TRIM25: variants seen among roughly 807,000 people sequenced by gnomAD.
TRIM25 encodes the protein E3 ubiquitin/ISG15 ligase TRIM25.
A neutral mutation model predicts 65.2 loss-of-function variants in TRIM25; 45 were observed. The ratio of observed to expected loss-of-function variants is 0.69; its 90% CI spans 0.54 to 0.89. The LOEUF is 0.89. Among genes scored for constraint, TRIM25 ranks in the 40% least tolerant of loss-of-function variants. The pLI, the probability that TRIM25 is intolerant of heterozygous loss-of-function variation, is 0.00. For missense variants in TRIM25, 714 were observed against 803.7 expected, an observed-to-expected ratio of 0.89 and a Z score of 1.35; for synonymous variants, 321 against 340.4, an observed-to-expected ratio of 0.94 and a Z score of 0.63.
chr17:56,908,397 C>A, intron 2 of TRIM25, 71 bp downstream of exon 2: 1 of 1,485,124 alleles, frequency 6.7e-7, no homozygotes, highest in South Asian at 1.1e-5. Context: ...TGGTCAGAGC[C>A]ACGCCCATCC....
intron 2 of TRIM25, among the ~76,000 whole-genome samples, chr17:56,907,750 A>G (rs977120355): frequency 6.6e-6 from 1 of 152,296 alleles, no homozygotes; most frequent in Non-Finnish European, 1.5e-5. Flanking sequence ...TGTGACTGTA[A>G]TCTTACTTAG....
intron 5 of TRIM25, among the ~76,000 whole-genome samples, chr17:56,897,141 G>A (rs1399736532): frequency 6.6e-6 from 1 of 151,944 alleles, no homozygotes; most frequent in South Asian, 2.1e-4. Context: ...AAATTCTTGG[G>A]CCCCAAGCCA....
Position 56,890,025 on chromosome 17 carries a change from A to C in TRIM25, c.*1675T>G. ...CAGGTGTGTAGCTGTCAGGAATATCAAGTGTTCTGAGCCTGCCTAGAGTGC... is the reference window on the plus strand; with the variant it reads ...CAGGTGTGTAGCTGTCAGGAATATCCAGTGTTCTGAGCCTGCCTAGAGTGC... On this transcript the variant is annotated 3_prime_UTR_variant, in exon 9 of 9. Transcript: ENST00000316881. The C allele has an allele frequency of 4.5e-5, 18 of 401,522 alleles. No individual in the cohort carries two copies. Among genetic ancestry groups the C allele is most frequent in the Non-Finnish European group, 5.7e-5 (13 of 227,380 alleles). The allele number at this position is 401,522 out of a possible 1,614,324, so 24.9% of individuals were successfully genotyped here.
At chr17:56,903,698 T>C (rs2144358013) in intron 3 of TRIM25, among the ~76,000 whole-genome samples, 1 of 152,318 alleles carries the variant, frequency 6.6e-6, no homozygotes, top group South Asian at 2.1e-4. Flanking sequence ...CTGGTGTAAT[T>C]AGCATCTCAA....
chr17:56,908,456 C>T lies in TRIM25; in HGVS notation c.693+12G>A. 1 of 1,613,094 alleles carries T rather than the reference C, an allele frequency of 6.2e-7. No individual in the cohort carries two copies. The highest frequency in any genetic ancestry group is 8.5e-7 in the Non-Finnish European group (1 of 1,179,940). On this transcript the variant is annotated intron_variant, in intron 2 of 8. Coordinates refer to ENST00000316881, the MANE Select transcript of TRIM25 (RefSeq NM_005082.5). ...CAGGGCAGGGCTGGCCTTGGAGAGCCCTGCCACTCACCCGCACATCCTGCT... is the reference window on the plus strand; with the variant it reads ...CAGGGCAGGGCTGGCCTTGGAGAGCTCTGCCACTCACCCGCACATCCTGCT...
At position 56,895,929 on chromosome 17, in the gene TRIM25, G is replaced by A. The variant is rs1311101412; in HGVS notation, c.1177C>T (p.Pro393Ser). Residue 393 changes from proline (P) to serine (S), a missense_variant, in exon 6 of 9, where the codon CCT becomes TCT. Transcript: ENST00000316881. Reference protein sequence around the residue: ...VSKEEKKSKKPPPVPALPSKL... With the variant: ...VSKEEKKSKKSPPVPALPSKL... ...GTTGCAGAAATGCATAACTTACGAG[G>A]TTTCTTGGATTTCTTTTCCTCTTCT... The A allele has an allele frequency of 1.2e-6, 2 of 1,612,764 alleles. No individual in the cohort carries two copies. Among genetic ancestry groups the A allele is most frequent in the East Asian group, 4.5e-5 (2 of 44,824 alleles).
chr17:56,893,698 C>T (rs918845774), intron 8 of TRIM25, among the ~76,000 whole-genome samples: 8 of 152,210 alleles, frequency 5.3e-5, no homozygotes, highest in Non-Finnish European at 8.8e-5. Context: ...CTGGCCTTGA[C>T]AACGGAACTC....
At chr17:56,901,802 A>C (rs1289215683) in intron 3 of TRIM25, among the ~76,000 whole-genome samples, 1 of 152,132 alleles carries the variant, frequency 6.6e-6, no homozygotes, top group Non-Finnish European at 1.5e-5. Flanking sequence ...ACAGATGGGG[A>C]AACTGAGGTC....
chr17:56,903,569 C>T (rs972171337), intron 3 of TRIM25, among the ~76,000 whole-genome samples: 26 of 152,098 alleles, frequency 1.7e-4, no homozygotes, highest in African/African-American at 5.1e-4. Context: ...CCCCCGACCC[C>T]GACTGATGTA....
chr17:56,891,724 T>C lies in TRIM25; in HGVS notation c.1869A>G (p.Thr623=), dbSNP rs773119870. ...PAFWVFSAGA[T]LSICSPK ...CCTACTTGGGGGAGCAGATGGAGAGTGTGGCACCAGCAGAAAATACCCAGA... is the reference window on the plus strand; with the variant it reads ...CCTACTTGGGGGAGCAGATGGAGAGCGTGGCACCAGCAGAAAATACCCAGA... The change falls in exon 9 of 9, where the codon ACA becomes ACG. Residue 623 remains threonine, a synonymous_variant. Coordinates refer to ENST00000316881, the MANE Select transcript of TRIM25 (RefSeq NM_005082.5). The C allele has an allele frequency of 6.2e-7, 1 of 1,613,298 alleles. No individual in the cohort carries two copies. Among genetic ancestry groups the C allele is most frequent in the Non-Finnish European group, 8.5e-7 (1 of 1,179,622 alleles).
In TRIM25 at chr17:56,891,840, G is replaced by C. The variant is rs1189591874; in HGVS notation, c.1753C>G (p.His585Asp). The C allele has an allele frequency of 1.9e-6, 3 of 1,614,210 alleles. No individual in the cohort carries two copies. The highest frequency in any genetic ancestry group is 2.7e-5 in the African/African-American group (2 of 75,050). Residue 585 changes from histidine (H) to aspartate (D), a missense_variant, in exon 9 of 9, where the codon CAC becomes GAC. Physicochemically the swap from His to Asp is moderately conservative, Grantham distance 81. Around this residue, in one of 3 missense-constraint regions of TRIM25, gnomAD observed 413 missense variants for 498.2 expected, o/e 0.83. Transcript: ENST00000316881. ...ACAGCGAAGAAGATGACAAAGCCGTGGTCACAGTTGAGAAGCACGCCCACC... is the reference window on the plus strand; with the variant it reads ...ACAGCGAAGAAGATGACAAAGCCGTCGTCACAGTTGAGAAGCACGCCCACC... ...TRVGVLLNCD[H>D]GFVIFFAVAD...
chr17:56,913,287 C>G lies in TRIM25; in HGVS notation c.597+105G>C. ...AGATGCCCCGGCCTCGAATTCAGGCCCATCTCCCCAGGGCGTCCAGAGTGT... is the reference window on the plus strand; with the variant it reads ...AGATGCCCCGGCCTCGAATTCAGGCGCATCTCCCCAGGGCGTCCAGAGTGT... On this transcript the variant is annotated intron_variant, in intron 1 of 8. Coordinates refer to ENST00000316881, the MANE Select transcript of TRIM25 (RefSeq NM_005082.5). This position sits in a 1 kb window ranked among gnomAD's most constrained non-coding sequence, Gnocchi z 6.1. 9.3e-7 allele frequency: 1 copy of G among 1,069,534 alleles called. No individual in the cohort carries two copies. The highest frequency in any genetic ancestry group is 2.7e-5 in the East Asian group (1 of 37,418). 66.3% of individuals were successfully genotyped at this position (1,069,534 alleles called of 1,614,324 possible).
Position 56,914,031 on chromosome 17 carries a change from C to T in TRIM25, c.-43G>A, listed in dbSNP as rs1480295471. ...GGACACAACTGCTGCACCCGCGCTC[C>T]GAGGCCGCCGAGGAAACGAAACCTA... On this transcript the variant is annotated 5_prime_UTR_variant, in exon 1 of 9. Coordinates refer to ENST00000316881, the MANE Select transcript of TRIM25 (RefSeq NM_005082.5). The T allele has an allele frequency of 2.8e-6, 4 of 1,405,688 alleles. No homozygotes were observed. The highest frequency in any genetic ancestry group is 3.7e-6 in the Non-Finnish European group (4 of 1,070,880). The allele number at this position is 1,405,688 out of a possible 1,614,324, so 87.1% of individuals were successfully genotyped here.
chr17:56,888,183 G>C lies in TRIM25; in HGVS notation c.*3517C>G, dbSNP rs1354210115. ...CAGCCTCCAGTCCCCCGCCCCATAG[G>C]TCAGGCTGACTCAAAGCCTCAAACC... On this transcript the variant is annotated 3_prime_UTR_variant, in exon 9 of 9. Coordinates refer to ENST00000316881, the MANE Select transcript of TRIM25 (RefSeq NM_005082.5). 1 of 152,292 alleles carries C rather than the reference G, an allele frequency of 6.6e-6. No individual in the cohort carries two copies. Among genetic ancestry groups the C allele is most frequent in the Non-Finnish European group, 1.5e-5 (1 of 68,086 alleles). The allele number at this position is 152,292 out of a possible 1,614,324, so 9.4% of individuals were successfully genotyped here.
In TRIM25 at chr17:56,913,251, T is replaced by A. The variant is rs1449450964; in HGVS notation, c.597+141A>T. The stretch of plus-strand genomic sequence containing the variant: ...ATATAATCTCCCATCCCCTTTCTAC[T>A]CTGACATTGGAGATGCCCCGGCCTC... On this transcript the variant is annotated intron_variant, in intron 1 of 8. Transcript: ENST00000316881. The surrounding 1 kb of genome is among the most constrained non-coding windows in gnomAD (Gnocchi z 6.1). 1 of 670,720 alleles carries A rather than the reference T, an allele frequency of 1.5e-6. No homozygotes were observed. The highest frequency in any genetic ancestry group is 3.0e-5 in the East Asian group (1 of 33,444). 41.5% of individuals were successfully genotyped at this position (670,720 alleles called of 1,614,324 possible). A position where few individuals can be genotyped will look rare whatever the true frequency, so the allele number is the denominator to read the frequency against.
chr17:56,901,710 G>T, intron 3 of TRIM25, 132 bp from the exon 4 acceptor site: 1 of 1,154,130 alleles, frequency 8.7e-7, no homozygotes, highest in Non-Finnish European at 1.2e-6. Flanking sequence ...CAAATTACAG[G>T]CCAGAGGTCA....
Position 56,892,100 on chromosome 17 carries a change from C to G in TRIM25, c.1493G>C (p.Cys498Ser), listed in dbSNP as rs1456551437. 3.1e-5 allele frequency: 50 copies of G among 1,614,196 alleles called. No individual in the cohort carries two copies. The highest frequency in any genetic ancestry group is 4.2e-5 in the Non-Finnish European group (50 of 1,180,044). ...YRPHPQRFTYCSQVLGLHCYK... is the reference protein window; with the variant it reads ...YRPHPQRFTYSSQVLGLHCYK... ...GCAGTGCAGGCCCAGCACCTGAGAG[C>G]AGTATGTGAACCTCTGGGGATGCGG... Residue 498 changes from cysteine (C) to serine (S), a missense_variant, in exon 9 of 9, where the codon TGC (cysteine) becomes TCC (serine). Coordinates refer to ENST00000316881, the MANE Select transcript of TRIM25 (RefSeq NM_005082.5).
rs1598081324 is a variant in TRIM25 at position 56,913,332 on chromosome 17, G to T, written c.597+60C>A. 1 of 1,451,020 alleles carries T rather than the reference G, an allele frequency of 6.9e-7. No individual in the cohort carries two copies. Among genetic ancestry groups the T allele is most frequent in the East Asian group, 2.4e-5 (1 of 41,122 alleles). 89.9% of individuals were successfully genotyped at this position (1,451,020 alleles called of 1,614,324 possible). On this transcript the variant is annotated intron_variant, in intron 1 of 8. Coordinates refer to ENST00000316881, the MANE Select transcript of TRIM25 (RefSeq NM_005082.5). This position sits in a 1 kb window ranked among gnomAD's most constrained non-coding sequence, Gnocchi z 6.1. ...GAGTGTGGCAGAGAGGCCCCCGGTG[G>T]CCCCTCTGCACCACCCATCAGGCCA... is the stretch of plus-strand genomic sequence containing the variant.
At chr17:56,908,165 T>C (rs1334693980) in intron 2 of TRIM25, among the ~76,000 whole-genome samples, 1 of 152,244 alleles carries the variant, frequency 6.6e-6, no homozygotes, top group Non-Finnish European at 1.5e-5. Context: ...ATGAGCTATA[T>C]ACTTTTGCTT....
Sources: gnomAD v4.1 joint callset for allele counts (sites outside exome capture counted in the v4.1 genomes callset) on GRCh38, gnomAD v4.1.1 for gene constraint, gnomAD v4.1.1 regional missense constraint, Gnocchi (gnomAD v3.1) non-coding constraint, MANE v1.5 for transcripts, NCBI Gene and HGNC (gene_info 2026-07-23, HGNC 2026-07-21) for gene names.